Variants in SGCZ observed in about 807,000 individuals in gnomAD.
SGCZ encodes the protein zeta-sarcoglycan.
In SGCZ, 40 loss-of-function variants were observed where a neutral mutation model predicts 41.3. The ratio of observed to expected loss-of-function variants is 0.97; its 90% CI spans 0.75 to 1.26. The LOEUF (loss-of-function observed/expected upper bound fraction) is 1.26. Among genes scored for constraint, SGCZ ranks in the 50% most tolerant of loss-of-function variants. SGCZ has a pLI of 0.00. For missense variants in SGCZ, 552 were observed against 369.8 expected (o/e 1.49, Z -4.04); for synonymous variants, 206 against 137.5 (o/e 1.50, Z -3.49).
chr8:14,191,375 G>T (rs986045337), intron 4 of SGCZ, among the ~76,000 whole-genome samples: 1 of 151,914 alleles, frequency 6.6e-6, no homozygotes, highest in African/African-American at 2.4e-5. Flanking sequence ...TGTTGCCTGC[G>T]CCATATGACA....
rs981495199 is a variant in SGCZ, at chr8:14,488,409, G to A, written c.234+66323C>T. On this transcript the variant is annotated intron_variant, in intron 2 of 7. Transcript: ENST00000382080. ...AATGGCCTTAACTCCCCTCCAGCTA[G>A]ACAAAAGTTTAAAGAGGTTTCCTTC... Among the ~76,000 whole-genome samples, 42 of 145,750 alleles carry A rather than the reference G, an allele frequency of 2.9e-4. 1 individual carries two copies. The highest frequency in any genetic ancestry group is 5.6e-4 in the Admixed American group (8 of 14,306).
chr8:14,994,094 C>T (rs1563419133), intron 1 of SGCZ, among the ~76,000 whole-genome samples: 1 of 152,122 alleles, frequency 6.6e-6, no homozygotes, highest in Non-Finnish European at 1.5e-5. Context: ...AAATGCAAAG[C>T]TCATAGGACT....
intron 5 of SGCZ, among the ~76,000 whole-genome samples, chr8:14,163,801 G>C (rs547284091): frequency 4.7e-4 from 71 of 152,238 alleles, no homozygotes; most frequent in African/African-American, 1.6e-3. Context: ...GGATAGATAC[G>C]CATGAGCTGT....
intron 2 of SGCZ, among the ~76,000 whole-genome samples, chr8:14,499,840 T>A (rs967628066): frequency 2.6e-5 from 4 of 152,046 alleles, no homozygotes; most frequent in Non-Finnish European, 5.9e-5. Context: ...AATTGTATCC[T>A]CAAGAACAGC....
At chr8:15,194,846 C>T (rs1426370466) in intron 1 of SGCZ, among the ~76,000 whole-genome samples, 1 of 152,248 alleles carries the variant, frequency 6.6e-6, no homozygotes, top group African/African-American at 2.4e-5. Context: ...TCTGACCTCC[C>T]AACCTATAAG....
chr8:14,849,058 A>G (rs1803230402), intron 1 of SGCZ, among the ~76,000 whole-genome samples: 1 of 152,162 alleles, frequency 6.6e-6, no homozygotes, highest in African/African-American at 2.4e-5. Context: ...ATATGGATGG[A>G]AAATAAACGT....
chr8:15,229,137 A>G (rs1015520226), intron 1 of SGCZ, among the ~76,000 whole-genome samples: 2 of 152,172 alleles, frequency 1.3e-5, no homozygotes, highest in African/African-American at 4.8e-5. Flanking sequence ...GGTTGTAGTG[A>G]ACCGAGATCG....
At chr8:14,204,502 G>C (rs1273855062) in intron 4 of SGCZ, among the ~76,000 whole-genome samples, 1 of 152,132 alleles carries the variant, frequency 6.6e-6, no homozygotes, top group African/African-American at 2.4e-5. Flanking sequence ...AATCTGGTCT[G>C]TGATGGTTAA....
intron 4 of SGCZ, among the ~76,000 whole-genome samples, chr8:14,188,536 A>G (rs1019950281): frequency 2.0e-5 from 3 of 152,052 alleles, no homozygotes; most frequent in Non-Finnish European, 4.4e-5. Context: ...AATTGCCTAG[A>G]GGGGTGGGAC....
At position 15,044,987 on chromosome 8, in the gene SGCZ, G is replaced by T. The variant is rs373986357; in HGVS notation, c.39+192598C>A. 4.7e-4 allele frequency among the ~76,000 whole-genome samples: 72 copies of T among 152,086 alleles called. 1 individual carries two copies. Among genetic ancestry groups the T allele is most frequent in the East Asian group, 4.3e-3 (22 of 5,172 alleles). ...AAGTAAAGCTCATTAAAATCATTTTGGTTCATGATTGCAAGATTTATACAG... is the reference window on the plus strand; with the variant it reads ...AAGTAAAGCTCATTAAAATCATTTTTGTTCATGATTGCAAGATTTATACAG... On this transcript the variant is annotated intron_variant, in intron 1 of 7. Transcript: ENST00000382080.
rs377171452 is a variant in SGCZ at position 14,614,773 on chromosome 8, G to A, written c.40-59847C>T. On this transcript the variant is annotated intron_variant, in intron 1 of 7. Coordinates refer to ENST00000382080, the MANE Select transcript of SGCZ (RefSeq NM_139167.4). ...TAAGTGAAGAGAGTTAACATAAGTG[G>A]TGGGGGATACATTTGAAGCCCAGAG... Among the ~76,000 whole-genome samples the A allele has an allele frequency of 3.9e-5, 6 of 152,192 alleles. No homozygotes were observed. The South Asian group carries it at 1.0e-3, about 26-fold the overall frequency.
At position 14,440,852 on chromosome 8, in the gene SGCZ, TACAC is replaced by T. The variant is rs761003537; in HGVS notation, c.234+113876_234+113879del. Among the ~76,000 whole-genome samples the T allele has an allele frequency of 5.4e-3, 708 of 130,420 alleles. 14 individuals are homozygous for T. Among genetic ancestry groups the T allele is most frequent in the African/African-American group, 0.018 (602 of 34,258 alleles). The allele number at this position is 130,420 out of a possible 152,430, so 85.6% of individuals were successfully genotyped here. On this transcript the variant is annotated intron_variant, in intron 2 of 7. Coordinates refer to ENST00000382080, the MANE Select transcript of SGCZ (RefSeq NM_139167.4). ...ACATACATATATGTGTACATATATGTACACACACACACACACACACGCACACACA... is the reference window on the plus strand; with the variant it reads ...ACATACATATATGTGTACATATATGTACACACACACACACACGCACACACA...
chr8:14,146,890 A>AAAAAAAAAAAAAAAAAAAATAATAATAAT (rs1182329393), intron 5 of SGCZ, among the ~76,000 whole-genome samples: 1 of 116,186 alleles, frequency 8.6e-6, no homozygotes, highest in African/African-American at 3.6e-5. Context: ...AAAATAAAAA[A>AAAAAAAAAAAAAAAAAAAATAATAATAAT]AATAATAATA....
intron 1 of SGCZ, among the ~76,000 whole-genome samples, chr8:14,921,419 C>A (rs1185132035): frequency 1.3e-5 from 2 of 151,930 alleles, no homozygotes; most frequent in East Asian, 3.9e-4. Context: ...AGCAATGACC[C>A]CTATCTATCA....
chr8:14,198,534 C>G (rs1217773490), intron 4 of SGCZ, among the ~76,000 whole-genome samples: 1 of 151,786 alleles, frequency 6.6e-6, no homozygotes, highest in Non-Finnish European at 1.5e-5. Flanking sequence ...AGTACAAACC[C>G]CAGTATCATG....
rs73207346 is a variant in SGCZ at position 15,223,009 on chromosome 8, G to A, written c.39+14576C>T. Among the ~76,000 whole-genome samples, 454 of 152,224 alleles carry A rather than the reference G, an allele frequency of 3.0e-3. 2 individuals carry two copies. The highest frequency in any genetic ancestry group is 3.1e-3 in the Non-Finnish European group (214 of 68,002). Reference sequence around the variant, plus strand: ...TCAAAAACTGATTGAAATAATGGAAGTTTCAGACAATTTGGGAAATATTTT... The same window carrying A: ...TCAAAAACTGATTGAAATAATGGAAATTTCAGACAATTTGGGAAATATTTT... On this transcript the variant is annotated intron_variant, in intron 1 of 7. Coordinates refer to ENST00000382080, the MANE Select transcript of SGCZ (RefSeq NM_139167.4).
At chr8:14,736,205 A>G (rs2083473497) in intron 1 of SGCZ, among the ~76,000 whole-genome samples, 1 of 152,164 alleles carries the variant, frequency 6.6e-6, no homozygotes, top group African/African-American at 2.4e-5. Flanking sequence ...AGGTTCATAC[A>G]GTAAACCACC....
intron 1 of SGCZ, among the ~76,000 whole-genome samples, chr8:14,963,340 T>TC (rs1801025962): frequency 3.7e-5 from 2 of 54,398 alleles, no homozygotes; most frequent in African/African-American, 1.1e-4. Flanking sequence ...TTTTTCTTCT[T>TC]TTTTTTTTTT....
At chr8:14,171,789 T>C (rs986756259) in intron 4 of SGCZ, among the ~76,000 whole-genome samples, 2 of 152,092 alleles carry the variant, frequency 1.3e-5, no homozygotes, top group African/African-American at 4.8e-5. Flanking sequence ...ACATTTAGTT[T>C]TTATATAAAA....
Sources: allele counts gnomAD v4.1 joint callset (sites outside exome capture counted in the v4.1 genomes callset), GRCh38; gene constraint gnomAD v4.1.1; transcripts MANE v1.5; gene names NCBI Gene and HGNC (gene_info 2026-07-23, HGNC 2026-07-21).